The following KDM1A variants were observed in gnomAD, a reference collection of about 807,000 sequenced individuals.
KDM1A encodes the protein lysine-specific histone demethylase 1A.
A neutral mutation model predicts 109.4 loss-of-function variants in KDM1A; 49 were observed. That is an observed-to-expected ratio of 0.45 (90% CI 0.36 to 0.57). KDM1A has a LOEUF of 0.57. Ranked by LOEUF, KDM1A falls within the 20% of genes least tolerant of loss-of-function variation. KDM1A has a pLI of 0.00. For synonymous variants in KDM1A, 380 were observed against 415.4 expected, an observed-to-expected ratio of 0.91 and a Z score of 1.04; for missense variants, 668 against 1,116.6, an observed-to-expected ratio of 0.60 and a Z score of 5.73.
At chr1:23,063,225 TG>T (rs1643063046) in intron 9 of KDM1A, among the ~76,000 whole-genome samples, 1 of 51,514 alleles carries the variant, frequency 1.9e-5, no homozygotes, top group Non-Finnish European at 4.2e-5. Flanking sequence ...GGGGTGGGTG[TG>T]TGTGGGTGTG....
intron 2 of KDM1A, among the ~76,000 whole-genome samples, chr1:23,040,534 C>T (rs1569680222): frequency 1.3e-5 from 2 of 151,938 alleles, no homozygotes; most frequent in East Asian, 1.9e-4. Flanking sequence ...TGGTGGCTCA[C>T]GCTCATAATC....
At chr1:23,062,872 A>G (rs1037733411) in intron 9 of KDM1A, among the ~76,000 whole-genome samples, 2 of 152,228 alleles carry the variant, frequency 1.3e-5, no homozygotes, top group African/African-American at 4.8e-5. Context: ...CCTTAAGCCT[A>G]TAAAACAGTC....
At chr1:23,053,695 T>C in intron 4 of KDM1A, 66 bp from the exon 5 acceptor site, 1 of 1,132,964 alleles carries the variant, frequency 8.8e-7, no homozygotes, top group Non-Finnish European at 1.3e-6. Context: ...TAAAAGATGA[T>C]TTTAAAGATA....
At chr1:23,056,225 G>C (rs1642827007) in intron 7 of KDM1A, among the ~76,000 whole-genome samples, 187 bp downstream of exon 7, 1 of 151,668 alleles carries the variant, frequency 6.6e-6, no homozygotes, top group Non-Finnish European at 1.5e-5. Flanking sequence ...GCTTTGAAAA[G>C]TACTCTGTGA....
intron 5 of KDM1A, 120 bp downstream of exon 5, chr1:23,053,959 C>G: frequency 1.5e-6 from 1 of 647,474 alleles, no homozygotes; most frequent in Admixed American, 2.7e-5. Flanking sequence ...TGTTATTTCA[C>G]CTTGTGCTGT....
chr1:23,081,207 A>T, intron 18 of KDM1A: 1 of 466,762 alleles, frequency 2.1e-6, no homozygotes, highest in Non-Finnish European at 3.8e-6. Context: ...GGTTAGAAGC[A>T]GTGAGGTGCC....
chr1:23,053,744 A>C lies in KDM1A; in HGVS notation c.712-17A>C. 6.5e-7 allele frequency: 1 copy of C among 1,545,478 alleles called. No individual in the cohort carries two copies. The highest frequency in any genetic ancestry group is 8.9e-7 in the Non-Finnish European group (1 of 1,118,646). ...TGTCTATTTGTATGTAATACAATTT[A>C]TGTCATTTAAATGCAGCTGCAGTTG... On this transcript the variant is annotated splice_polypyrimidine_tract_variant and intron_variant, in intron 4 of 20. Transcript: ENST00000400181.
At chr1:23,082,417 C>A in intron 20 of KDM1A, 51 bp downstream of exon 20, 1 of 1,453,282 alleles carries the variant, frequency 6.9e-7, no homozygotes, top group Non-Finnish European at 9.2e-7. Flanking sequence ...GCCAGGATCT[C>A]ATGATGTCCC....
intron 3 of KDM1A, among the ~76,000 whole-genome samples, chr1:23,045,918 A>G (rs1488827023): frequency 6.6e-6 from 1 of 152,174 alleles, no homozygotes; most frequent in Non-Finnish European, 1.5e-5. Context: ...TGTGCTTGTA[A>G]GAGATCAACA....
intron 15 of KDM1A, among the ~76,000 whole-genome samples, chr1:23,074,579 T>G (rs1643408616): frequency 6.6e-6 from 1 of 152,148 alleles, no homozygotes; most frequent in East Asian, 1.9e-4. Context: ...ATTTATAAAA[T>G]TTTTCTTTTA....
intron 7 of KDM1A, 37 bp from the exon 8 acceptor site, chr1:23,057,447 A>G: frequency 6.5e-7 from 1 of 1,536,152 alleles, no homozygotes; most frequent in Non-Finnish European, 9.0e-7. Context: ...TGGTTAAAAC[A>G]GAATTGATGA....
chr1:23,019,539 AC>A lies in KDM1A; in HGVS notation c.-55del. ...AGCGAGGCGAGGCAAGGCTTTTCGG[AC>A]CCACGGAGCGACAGAGCGAGCGGCC... On this transcript the variant is annotated 5_prime_UTR_variant, in exon 1 of 21. Transcript: ENST00000400181. 6 of 1,337,552 alleles carry A rather than the reference AC, an allele frequency of 4.5e-6. No individual in the cohort carries two copies. Among genetic ancestry groups the A allele is most frequent in the Non-Finnish European group, 5.7e-6 (6 of 1,045,126 alleles). The allele number at this position is 1,337,552 out of a possible 1,614,324, so 82.9% of individuals were successfully genotyped here. A position where few individuals can be genotyped will look rare whatever the true frequency, so the allele number is the denominator to read the frequency against.
At chr1:23,059,025 T>C (rs773540684) in intron 8 of KDM1A, 48 bp from the exon 9 acceptor site, 3 of 1,165,478 alleles carry the variant, frequency 2.6e-6, no homozygotes, top group Non-Finnish European at 3.6e-6. Context: ...AGGTTTTTGT[T>C]CTCTCTTCAT....
At chr1:23,078,638 G>A (rs190458284) in intron 16 of KDM1A, among the ~76,000 whole-genome samples, 77 of 152,244 alleles carry the variant, frequency 5.1e-4, no homozygotes, top group Middle Eastern at 6.8e-3. Context: ...TGGTTCTATT[G>A]GGATGAGCAC....
chr1:23,032,784 G>C (rs1299660298), intron 2 of KDM1A, among the ~76,000 whole-genome samples: 1 of 152,144 alleles, frequency 6.6e-6, no homozygotes, highest in Non-Finnish European at 1.5e-5. Context: ...TTAAATATTT[G>C]GACACTGTGC....
intron 5 of KDM1A, among the ~76,000 whole-genome samples, chr1:23,054,180 T>C (rs1011702210): frequency 5.3e-5 from 8 of 152,186 alleles, no homozygotes; most frequent in African/African-American, 7.2e-5. Flanking sequence ...TGTGATGTTT[T>C]TGCCAAAGTA....
chr1:23,063,514 C>G (rs1193787051), intron 9 of KDM1A, among the ~76,000 whole-genome samples: 1 of 152,078 alleles, frequency 6.6e-6, no homozygotes, highest in African/African-American at 2.4e-5. Context: ...TCTTGGTTTT[C>G]TTCCTTTGAA....
chr1:23,065,099 A>G (rs1643124150), intron 9 of KDM1A, among the ~76,000 whole-genome samples: 1 of 152,224 alleles, frequency 6.6e-6, no homozygotes, highest in South Asian at 2.1e-4. Flanking sequence ...TTCTCAGGAT[A>G]CAAGTTAAGG....
intron 2 of KDM1A, among the ~76,000 whole-genome samples, chr1:23,040,367 A>C (rs756463758): frequency 5.8e-4 from 89 of 152,348 alleles, no homozygotes; most frequent in Non-Finnish European, 2.2e-4. Context: ...GATTATAACT[A>C]CAACACTTCA....
Sources: allele counts gnomAD v4.1 joint callset (sites outside exome capture counted in the v4.1 genomes callset), GRCh38; gene constraint gnomAD v4.1.1; transcripts MANE v1.5; gene names NCBI Gene and HGNC (gene_info 2026-07-23, HGNC 2026-07-21).